Variants in PIEZO2 observed in about 807,000 individuals in gnomAD.
PIEZO2 encodes piezo-type mechanosensitive ion channel component 2.
PIEZO2 carries 172 observed loss-of-function variants against 337.3 expected under a neutral mutation model. The ratio of observed to expected loss-of-function variants is 0.51; its 90% CI spans 0.45 to 0.58. The LOEUF is 0.58. Ranked by LOEUF, PIEZO2 falls within the 20% of genes least tolerant of loss-of-function variation. The pLI is 0.00. For synonymous variants in PIEZO2, 1,251 were observed against 1,228.5 expected (o/e 1.02, Z -0.38); for missense variants, 3,028 against 3,391.3 (o/e 0.89, Z 2.66).
At chr18:11,065,634 T>G (rs1001800029) in intron 2 of PIEZO2, among the ~76,000 whole-genome samples, 2 of 152,210 alleles carry the variant, frequency 1.3e-5, no homozygotes, top group Non-Finnish European at 2.9e-5. Flanking sequence ...CATTATGCTA[T>G]TGAGACATAT....
chr18:10,973,509 G>A lies in PIEZO2; in HGVS notation c.286+6026C>T, dbSNP rs769428057. Among the ~76,000 whole-genome samples, 2 of 152,176 alleles carry A rather than the reference G, an allele frequency of 1.3e-5. No individual in the cohort carries two copies. Among genetic ancestry groups the A allele is most frequent in the Non-Finnish European group, 2.9e-5 (2 of 68,038 alleles). ...AAGTTCTCCTATACATGATCAGAAG[G>A]TATATATATGATCCACATACTTTTC... On this transcript the variant is annotated intron_variant, in intron 3 of 55. Coordinates refer to ENST00000674853, the MANE Select transcript of PIEZO2 (RefSeq NM_001378183.1). This position sits in a 1 kb window ranked among gnomAD's most constrained non-coding sequence, Gnocchi z 4.9.
chr18:10,979,515 G>C lies in PIEZO2; in HGVS notation c.286+20C>G. The C allele has an allele frequency of 1.4e-6, 2 of 1,465,270 alleles. No homozygotes were observed. Among genetic ancestry groups the C allele is most frequent in the Non-Finnish European group, 1.8e-6 (2 of 1,105,192 alleles). The allele number at this position is 1,465,270 out of a possible 1,614,324, so 90.8% of individuals were successfully genotyped here. Reference sequence around the variant, plus strand: ...AAAGAAATAAAAGAAAACAATAAAAGAAAACACCATAATACTCACAGTTGT... The same window carrying C: ...AAAGAAATAAAAGAAAACAATAAAACAAAACACCATAATACTCACAGTTGT... On this transcript the variant is annotated intron_variant, in intron 3 of 55. Coordinates refer to ENST00000674853, the MANE Select transcript of PIEZO2 (RefSeq NM_001378183.1). This position sits in a 1 kb window ranked among gnomAD's most constrained non-coding sequence, Gnocchi z 4.0.
At chr18:10,926,474 C>T (rs560890160) in intron 3 of PIEZO2, among the ~76,000 whole-genome samples, 40 of 152,206 alleles carry the variant, frequency 2.6e-4, no homozygotes, top group African/African-American at 9.2e-4. Context: ...ATGAAACAGG[C>T]TTAAAATAGG....
rs1288769294 is a variant in PIEZO2 at position 10,952,806 on chromosome 18, A to G, written c.286+26729T>C. Among the ~76,000 whole-genome samples, 3 of 152,168 alleles carry G rather than the reference A, an allele frequency of 2.0e-5. No homozygotes were observed. The highest frequency in any genetic ancestry group is 2.4e-5 in the African/African-American group (1 of 41,436). ...ATATAATTGTACATTCCCGCCAGAA[A>G]TGTATTTGAATTCCAAGTGTTCTAC... On this transcript the variant is annotated intron_variant, in intron 3 of 55. Transcript: ENST00000674853. The surrounding 1 kb of genome is among the most constrained non-coding windows in gnomAD (Gnocchi z 4.1).
chr18:11,093,154 C>A (rs898549009), intron 1 of PIEZO2, among the ~76,000 whole-genome samples: 4 of 152,094 alleles, frequency 2.6e-5, no homozygotes, highest in African/African-American at 9.7e-5. Context: ...AAAAACAGTA[C>A]CTTTTCTCTC....
At chr18:10,976,838 C>A (rs1427175747) in intron 3 of PIEZO2, among the ~76,000 whole-genome samples, 1 of 152,064 alleles carries the variant, frequency 6.6e-6, no homozygotes, top group African/African-American at 2.4e-5. Flanking sequence ...TGGAAAGAGG[C>A]AGGTCAAGAG....
Position 11,110,076 on chromosome 18 carries a change from C to T in PIEZO2, c.64+38449G>A, listed in dbSNP as rs1390611871. Reference sequence around the variant, plus strand: ...CAGGTTCAGGAGTAACTGCAATGCTCTCATTTTCCCAAGACTACAACTTGG... The same window carrying T: ...CAGGTTCAGGAGTAACTGCAATGCTTTCATTTTCCCAAGACTACAACTTGG... On this transcript the variant is annotated intron_variant, in intron 1 of 55. Transcript: ENST00000674853. This position sits in a 1 kb window ranked among gnomAD's most constrained non-coding sequence, Gnocchi z 4.2. Among the ~76,000 whole-genome samples the T allele has an allele frequency of 6.6e-6, 1 of 152,128 alleles. No homozygotes were observed. The highest frequency in any genetic ancestry group is 1.5e-5 in the Non-Finnish European group (1 of 68,026).
Position 10,894,110 on chromosome 18 carries a change from C to T in PIEZO2, c.329+17076G>A, listed in dbSNP as rs1335872100. Among the ~76,000 whole-genome samples, 2 of 152,166 alleles carry T rather than the reference C, an allele frequency of 1.3e-5. No individual in the cohort carries two copies. The highest frequency in any genetic ancestry group is 6.5e-5 in the Admixed American group (1 of 15,278). ...ACCCGAAACTGGTGATCAGCAGCTT[C>T]CTGATAAAATCCCAGGAGGTGGGTG... On this transcript the variant is annotated intron_variant, in intron 4 of 55. Coordinates refer to ENST00000674853, the MANE Select transcript of PIEZO2 (RefSeq NM_001378183.1). The surrounding 1 kb of genome is among the most constrained non-coding windows in gnomAD (Gnocchi z 4.1).
intron 18 of PIEZO2, 21 bp from the exon 19 acceptor site, chr18:10,774,059 A>G (rs557072802): frequency 2.3e-5 from 16 of 702,962 alleles, no homozygotes; most frequent in South Asian, 2.1e-4. Context: ...TAATTGAAAT[A>G]GAAAGGAAAA....
At chr18:11,019,847 G>A (rs1025022400) in intron 2 of PIEZO2, among the ~76,000 whole-genome samples, 9 of 151,898 alleles carry the variant, frequency 5.9e-5, no homozygotes, top group Non-Finnish European at 1.0e-4. Flanking sequence ...AATCTGTAAT[G>A]AAATTATTGA....
At chr18:10,689,574 G>A (rs2034706996) in intron 49 of PIEZO2, 81 bp downstream of exon 49, 1 of 1,574,960 alleles carries the variant, frequency 6.3e-7, no homozygotes, top group Admixed American at 1.7e-5. Context: ...TTCATTGTGA[G>A]CAGAAGTTCA....
At chr18:10,789,699 T>C (rs984016455) in intron 14 of PIEZO2, among the ~76,000 whole-genome samples, 2 of 152,248 alleles carry the variant, frequency 1.3e-5, no homozygotes, top group African/African-American at 2.4e-5. Flanking sequence ...TAAATGACTA[T>C]ATCAATTTCA....
At chr18:10,733,437 C>G (rs1316060763) in intron 35 of PIEZO2, among the ~76,000 whole-genome samples, 1 of 147,388 alleles carries the variant, frequency 6.8e-6, no homozygotes, top group African/African-American at 2.5e-5. Context: ...AGGCTCTTAC[C>G]AAACTTCCCA....
chr18:11,045,885 C>T (rs934934539), intron 2 of PIEZO2, among the ~76,000 whole-genome samples: 1 of 152,114 alleles, frequency 6.6e-6, no homozygotes, highest in Non-Finnish European at 1.5e-5. Flanking sequence ...TTTTGCTTGC[C>T]GTTGTATGAA....
rs2038424444 is a variant in PIEZO2 at position 10,767,733 on chromosome 18, G to A, written c.2946+2415C>T. ...CCTGGTCCTGATGGGGAGGCACAGA[G>A]CACCCAGAGCTGCTCCAAGGCTGCG... On this transcript the variant is annotated intron_variant, in intron 21 of 55. Transcript: ENST00000674853. This position sits in a 1 kb window ranked among gnomAD's most constrained non-coding sequence, Gnocchi z 4.2. Among the ~76,000 whole-genome samples, 1 of 152,186 alleles carries A rather than the reference G, an allele frequency of 6.6e-6. No individual in the cohort carries two copies. The highest frequency in any genetic ancestry group is 2.1e-4 in the South Asian group (1 of 4,830).
intron 4 of PIEZO2, among the ~76,000 whole-genome samples, chr18:10,886,343 T>TATATATATATATATAC (rs561758653): frequency 4.2e-5 from 1 of 23,716 alleles, no homozygotes; most frequent in African/African-American, 3.1e-4. Context: ...TATATATATA[T>TATATATATATATATAC]ACACACACAC....
chr18:10,802,177 A>C (rs1340355473), intron 9 of PIEZO2, among the ~76,000 whole-genome samples: 1 of 152,108 alleles, frequency 6.6e-6, no homozygotes, highest in East Asian at 1.9e-4. Flanking sequence ...TACTGTCTAC[A>C]ACAAAATGAT....
At chr18:10,960,728 G>A (rs968472680) in intron 3 of PIEZO2, among the ~76,000 whole-genome samples, 3 of 152,096 alleles carry the variant, frequency 2.0e-5, no homozygotes, top group African/African-American at 7.2e-5. Context: ...TTTAAAACGA[G>A]CGTTGGCTAA....
chr18:10,974,184 G>A (rs758113319), intron 3 of PIEZO2, among the ~76,000 whole-genome samples: 5 of 152,168 alleles, frequency 3.3e-5, no homozygotes, highest in Non-Finnish European at 5.9e-5. Context: ...GTAGGCCGAC[G>A]CTTGATACCT....
Sources: allele counts gnomAD v4.1 joint callset (sites outside exome capture counted in the v4.1 genomes callset), GRCh38; gene constraint gnomAD v4.1.1; non-coding constraint Gnocchi (gnomAD v3.1); transcripts MANE v1.5; gene names NCBI Gene and HGNC (gene_info 2026-07-23, HGNC 2026-07-21).